The following ERMAP variants were observed in gnomAD, a reference collection of about 807,000 sequenced individuals.
ERMAP encodes erythroid membrane-associated protein.
ERMAP carries 34 observed loss-of-function variants against 49.5 expected under a neutral mutation model. The ratio of observed to expected loss-of-function variants is 0.69; its 90% confidence interval spans 0.52 to 0.91. The LOEUF is 0.91. Among genes scored for constraint, ERMAP ranks in the 40% least tolerant of loss-of-function variants. The pLI is 0.00. For synonymous variants in ERMAP, 214 were observed against 232.2 expected (o/e 0.92, Z 0.71); for missense variants, 541 against 582.6 (o/e 0.93, Z 0.74).
At chr1:42,820,573 T>C (rs1654380467) in intron 1 of ERMAP, among the ~76,000 whole-genome samples, 1 of 152,096 alleles carries the variant, frequency 6.6e-6, no homozygotes, top group South Asian at 2.1e-4. Context: ...CCTGGTTTTG[T>C]TTATTCTAAT....
intron 1 of ERMAP, among the ~76,000 whole-genome samples, chr1:42,818,103 T>C (rs555687121): frequency 2.6e-5 from 4 of 152,290 alleles, no homozygotes; most frequent in African/African-American, 9.6e-5. Flanking sequence ...CCTGTTTGGG[T>C]CCACTATTTG....
Position 42,819,217 on chromosome 1 carries a change from A to AAG in ERMAP, c.-122+1969_-122+1970dup, listed in dbSNP as rs937332165. On this transcript the variant is annotated intron_variant, in intron 1 of 11. Transcript: ENST00000372517. The surrounding 1 kb of genome is among the most constrained non-coding windows in gnomAD (Gnocchi z 5.1). ...TGTGTGTGTGTGTGTGCGCGCGCGC[A>AAG]AGAGAGGGACCGAGAGAGAGAAAGA... is the stretch of plus-strand genomic sequence containing the variant. Among the ~76,000 whole-genome samples the AAG allele has an allele frequency of 1.5e-5, 2 of 136,728 alleles. No individual in the cohort carries two copies. The highest frequency in any genetic ancestry group is 5.5e-5 in the African/African-American group (2 of 36,318). 89.7% of individuals were successfully genotyped at this position (136,728 alleles called of 152,430 possible).
chr1:42,843,712 G>T lies in ERMAP; in HGVS notation c.*480G>T, dbSNP rs199946252. The T allele has an allele frequency of 5.0e-6, 1 of 200,456 alleles. No homozygotes were observed. Among genetic ancestry groups the T allele is most frequent in the Non-Finnish European group, 9.9e-6 (1 of 100,910 alleles). The allele number at this position is 200,456 out of a possible 1,614,324, so 12.4% of individuals were successfully genotyped here. On this transcript the variant is annotated 3_prime_UTR_variant, in exon 12 of 12. Transcript: ENST00000372517. The stretch of plus-strand genomic sequence containing the variant: ...AAGTCAGCTCTCTAAAAGCAAGCAT[G>T]TTTTAGACCACTCACTCTTTCCCTC...
rs937716796 is a variant in ERMAP at position 42,843,750 on chromosome 1, T to C, written c.*518T>C. ...CACTCTTTCCCTCTTTCTTCAGGAA[T>C]GAATTGGGAAAGGCTGATGAGTAAA... On this transcript the variant is annotated 3_prime_UTR_variant, in exon 12 of 12. Transcript: ENST00000372517. 2.0e-5 allele frequency: 5 copies of C among 250,538 alleles called. No homozygotes were observed. The highest frequency in any genetic ancestry group is 1.1e-4 in the African/African-American group (5 of 44,974). The allele number at this position is 250,538 out of a possible 1,614,324, so 15.5% of individuals were successfully genotyped here. A position where few individuals can be genotyped will look rare whatever the true frequency, so the allele number is the denominator to read the frequency against.
Position 42,821,174 on chromosome 1 carries a change from AG to A in ERMAP, c.-122+3922del, listed in dbSNP as rs981887270. On this transcript the variant is annotated intron_variant, in intron 1 of 11. Transcript: ENST00000372517. ...AAATGTATTGACATCTCTATTGCAC[AG>A]TTACTTACTGTCCTGTTCTCTTTGT... is the stretch of plus-strand genomic sequence containing the variant. Among the ~76,000 whole-genome samples, 12 of 152,328 alleles carry A rather than the reference AG, an allele frequency of 7.9e-5. No homozygotes were observed. In the East Asian group the frequency reaches 2.3e-3, roughly 29 times the overall value.
chr1:42,839,968 C>T, intron 8 of ERMAP, 65 bp from the exon 9 acceptor site: 1 of 1,490,230 alleles, frequency 6.7e-7, no homozygotes, highest in South Asian at 1.1e-5. Flanking sequence ...GGGACTGTAG[C>T]ATTATGGGAG....
chr1:42,834,164 T>C (rs7540604), intron 4 of ERMAP, among the ~76,000 whole-genome samples: 110,613 of 152,108 alleles, frequency 0.73, 41,232 homozygotes, highest in Admixed American at 0.82. Context: ...GGCTCTTAAC[T>C]ACTTCTACCC....
chr1:42,825,543 AGG>A, intron 1 of ERMAP, 78 bp from the exon 2 acceptor site: 1 of 1,214,036 alleles, frequency 8.2e-7, no homozygotes, highest in Non-Finnish European at 1.0e-6. Context: ...GACAGCGAGA[AGG>A]GAGTTCTGTG....
intron 4 of ERMAP, among the ~76,000 whole-genome samples, chr1:42,832,179 ATTTTTT>A (rs75673269): frequency 3.3e-4 from 32 of 96,760 alleles, no homozygotes; most frequent in East Asian, 2.6e-3. Context: ...GTGAAAATTA[ATTTTTT>A]TTTTTTTTTT....
At position 42,844,936 on chromosome 1, in the gene ERMAP, A is replaced by AT. The variant is rs1655170767; in HGVS notation, c.*1710dup. The AT allele has an allele frequency of 6.6e-6, 1 of 152,178 alleles. No homozygotes were observed. The highest frequency in any genetic ancestry group is 2.4e-5 in the African/African-American group (1 of 41,446). The allele number at this position is 152,178 out of a possible 1,614,324, so 9.4% of individuals were successfully genotyped here. A position where few individuals can be genotyped will look rare whatever the true frequency, so the allele number is the denominator to read the frequency against. On this transcript the variant is annotated 3_prime_UTR_variant, in exon 12 of 12. Coordinates refer to ENST00000372517, the MANE Select transcript of ERMAP (RefSeq NM_001017922.2). This position sits in a 1 kb window ranked among gnomAD's most constrained non-coding sequence, Gnocchi z 4.0. ...TTAACTATCACAGTGACTCAGTGGA[A>AT]TTTTTTGTTTGCTTTTGTACAGTTT...
intron 5 of ERMAP, 70 bp downstream of exon 5, chr1:42,835,224 CG>C: frequency 6.3e-6 from 5 of 787,728 alleles, no homozygotes; most frequent in Non-Finnish European, 1.2e-5. Context: ...AAGGGCCAGA[CG>C]GAAGTAGATG....
rs1344497929 is a variant in ERMAP, at chr1:42,817,127, C to T, written c.-248C>T. ...GACGGCCCCCGCCTCCTGCCCTCTT[C>T]CCTCTCCTGGAGGAAAATGGCGGTC... On this transcript the variant is annotated 5_prime_UTR_variant, in exon 1 of 12. Transcript: ENST00000372517. 3 of 1,158,604 alleles carry T rather than the reference C, an allele frequency of 2.6e-6. No homozygotes were observed. Among genetic ancestry groups the T allele is most frequent in the East Asian group, 1.0e-4 (1 of 10,024 alleles). 71.8% of individuals were successfully genotyped at this position (1,158,604 alleles called of 1,614,324 possible).
At chr1:42,820,358 A>G (rs1654374837) in intron 1 of ERMAP, among the ~76,000 whole-genome samples, 1 of 150,674 alleles carries the variant, frequency 6.6e-6, no homozygotes, top group African/African-American at 2.4e-5. Context: ...AATTCTGGGA[A>G]ACGTTCTCTG....
Position 42,842,849 on chromosome 1 carries a change from T to G in ERMAP, c.1045T>G (p.Phe349Val), listed in dbSNP as rs1330414303. The G allele has an allele frequency of 6.2e-7, 1 of 1,614,186 alleles. No individual in the cohort carries two copies. Among genetic ancestry groups the G allele is most frequent in the Non-Finnish European group, 8.5e-7 (1 of 1,180,032 alleles). ...AGCTCTCACATCCCCGCAGACCTCC[T>G]TCCGCCTTAAAGAGCCTCCACGGTG... ...YEALTSPQTS[F>V]RLKEPPRCVG... Residue 349 changes from phenylalanine (F) to valine (V), a missense_variant, in exon 12 of 12, where the codon TTC becomes GTC. By Grantham distance (50) the Phe-to-Val change is conservative. Transcript: ENST00000372517.
At position 42,835,883 on chromosome 1, in the gene ERMAP, G is replaced by A. The variant is rs893549013; in HGVS notation, c.583+119G>A. 5.5e-6 allele frequency: 8 copies of A among 1,454,412 alleles called. No homozygotes were observed. The Admixed American group carries it at 2.0e-4, about 36-fold the overall frequency. The allele number at this position is 1,454,412 out of a possible 1,614,324, so 90.1% of individuals were successfully genotyped here. A position where few individuals can be genotyped will look rare whatever the true frequency, so the allele number is the denominator to read the frequency against. ...AATTCCATTATCTGCTATCCTTGGT[G>A]ATGGTGGCAATGTCTAAATCCGTTG... On this transcript the variant is annotated intron_variant, in intron 6 of 11. Transcript: ENST00000372517.
intron 4 of ERMAP, among the ~76,000 whole-genome samples, chr1:42,832,414 C>A (rs901374943): frequency 1.3e-5 from 2 of 151,672 alleles, no homozygotes; most frequent in African/African-American, 4.9e-5. Context: ...GTTGCCCAGG[C>A]TGGAGTGCAA....
Position 42,840,042 on chromosome 1 carries a change from G to A in ERMAP, c.647G>A (p.Arg216Gln), listed in dbSNP as rs139619405. 676 of 1,614,134 alleles carry A rather than the reference G, an allele frequency of 4.2e-4. 4 individuals are homozygous for A. The East Asian group carries it at 0.011, about 26-fold the overall frequency. ...GKLHKAVKKL[R>Q]SELKLKRAAA... ...TGTTTTCATTCTTTAGAGAAACTCC[G>A]GAGTGAACTGAGTAAGTTTCCCATG... is the stretch of plus-strand genomic sequence containing the variant. The change falls in exon 9 of 12, where the codon CGG becomes CAG. Residue 216 changes from arginine to glutamine, a missense_variant. Transcript: ENST00000372517.
intron 1 of ERMAP, among the ~76,000 whole-genome samples, chr1:42,821,216 C>G (rs2124278245): frequency 6.6e-6 from 1 of 152,252 alleles, no homozygotes; most frequent in Admixed American, 6.5e-5. Context: ...TAGGCTTTTC[C>G]TTTTGCACTC....
intron 2 of ERMAP, among the ~76,000 whole-genome samples, chr1:42,827,648 A>AT (rs1654594174): frequency 6.6e-6 from 1 of 152,252 alleles, no homozygotes; most frequent in Admixed American, 6.5e-5. Flanking sequence ...AAACTGTGGC[A>AT]TATACATTGA....
Sources: allele counts gnomAD v4.1 joint callset (sites outside exome capture counted in the v4.1 genomes callset), GRCh38; gene constraint gnomAD v4.1.1; non-coding constraint Gnocchi (gnomAD v3.1); transcripts MANE v1.5; gene names NCBI Gene and HGNC (gene_info 2026-07-23, HGNC 2026-07-21).